TMEM117: variants seen among roughly 807,000 people sequenced by gnomAD.
TMEM117 encodes transmembrane protein 117.
TMEM117 carries 27 observed loss-of-function variants against 52.4 expected under a neutral mutation model. That is an observed-to-expected ratio of 0.51 (90% CI 0.38 to 0.71). TMEM117 has a LOEUF of 0.71. TMEM117 is among the 30% of genes least tolerant of loss of function. The probability of loss-of-function intolerance (pLI) is 0.00; values close to 1 mark genes in which losing one functional copy is unlikely to be tolerated. For synonymous variants in TMEM117, 215 were observed against 206.3 expected, an observed-to-expected ratio of 1.04 and a Z score of -0.36; for missense variants, 556 against 630.5, an observed-to-expected ratio of 0.88 and a Z score of 1.26.
intron 3 of TMEM117, among the ~76,000 whole-genome samples, chr12:43,972,242 A>G (rs951866055): frequency 9.2e-5 from 14 of 152,186 alleles, no homozygotes; most frequent in African/African-American, 3.4e-4. Context: ...CAATCAACTT[A>G]TTTTGTAATC....
intron 3 of TMEM117, among the ~76,000 whole-genome samples, chr12:43,956,438 A>G (rs1405588585): frequency 2.6e-5 from 4 of 151,228 alleles, no homozygotes; most frequent in Non-Finnish European, 5.9e-5. Flanking sequence ...ACTTAAGCAA[A>G]TTTACAAGGT....
intron 3 of TMEM117, among the ~76,000 whole-genome samples, chr12:44,064,175 A>G (rs960044577): frequency 6.6e-6 from 1 of 152,144 alleles, no homozygotes; most frequent in African/African-American, 2.4e-5. Flanking sequence ...AATCAAACCT[A>G]AATTAAGCAA....
intron 2 of TMEM117, among the ~76,000 whole-genome samples, chr12:43,893,259 G>C (rs1416070531): frequency 6.6e-6 from 1 of 152,136 alleles, no homozygotes; most frequent in African/African-American, 2.4e-5. Flanking sequence ...AAAACGAACT[G>C]TAAGAGAACA....
chr12:44,008,875 G>T (rs1056450086), intron 3 of TMEM117: 3 of 415,942 alleles, frequency 7.2e-6, no homozygotes, highest in Non-Finnish European at 9.5e-6. Context: ...AGCATTTCCC[G>T]CACCATGAGC....
chr12:43,957,339 T>C (rs559805100), intron 3 of TMEM117, among the ~76,000 whole-genome samples: 5 of 152,178 alleles, frequency 3.3e-5, no homozygotes, highest in African/African-American at 1.2e-4. Flanking sequence ...AGGCAAGATA[T>C]TCAAAGAAAA....
intron 3 of TMEM117, among the ~76,000 whole-genome samples, chr12:43,998,174 G>T (rs1421726181): frequency 6.6e-6 from 1 of 152,182 alleles, no homozygotes; most frequent in African/African-American, 2.4e-5. Flanking sequence ...TTGTAGATAG[G>T]ATAGTGGTTC....
At chr12:44,137,892 G>A (rs1948515575) in intron 3 of TMEM117, among the ~76,000 whole-genome samples, 1 of 152,046 alleles carries the variant, frequency 6.6e-6, no homozygotes, top group South Asian at 2.1e-4. Context: ...TGACATTGGG[G>A]ACCACAATAT....
chr12:44,308,479 T>C (rs1175164087), intron 6 of TMEM117, among the ~76,000 whole-genome samples: 3 of 152,180 alleles, frequency 2.0e-5, no homozygotes, highest in Non-Finnish European at 4.4e-5. Context: ...AGTGCAGCAT[T>C]GAAGACTGAC....
chr12:44,004,084 G>C (rs1250877949), intron 3 of TMEM117, among the ~76,000 whole-genome samples: 1 of 152,164 alleles, frequency 6.6e-6, no homozygotes, highest in South Asian at 2.1e-4. Flanking sequence ...TTTCTGCTCA[G>C]ACACATCTAA....
chr12:44,000,776 C>T (rs988773977), intron 3 of TMEM117, among the ~76,000 whole-genome samples: 23 of 152,134 alleles, frequency 1.5e-4, no homozygotes, highest in African/African-American at 3.6e-4. Flanking sequence ...GACCTCTTCC[C>T]GGGTCGGTTT....
intron 5 of TMEM117, among the ~76,000 whole-genome samples, chr12:44,257,475 C>A (rs2138530077): frequency 6.6e-6 from 1 of 152,238 alleles, no homozygotes; most frequent in African/African-American, 2.4e-5. Flanking sequence ...CCTGTCATAT[C>A]CTCAACTACT....
chr12:44,287,093 G>A (rs1265528612), intron 5 of TMEM117, among the ~76,000 whole-genome samples: 1 of 152,030 alleles, frequency 6.6e-6, no homozygotes, highest in African/African-American at 2.4e-5. Flanking sequence ...CCACCCCAGA[G>A]GTTAGGAACC....
chr12:43,815,315 G>A, the TMEM117 span, among the ~76,000 whole-genome samples: 6 of 152,192 alleles, frequency 3.9e-5, no homozygotes, highest in African/African-American at 1.4e-4. Context: ...AATTGTCAGT[G>A]CCTTAACAGT....
At chr12:44,183,869 A>G (rs1269554209) in intron 4 of TMEM117, among the ~76,000 whole-genome samples, 2 of 152,220 alleles carry the variant, frequency 1.3e-5, no homozygotes, top group South Asian at 4.1e-4. Context: ...CTTCCCTCAC[A>G]TTTCACACGC....
At chr12:44,029,617 C>T (rs1258641496) in intron 3 of TMEM117, among the ~76,000 whole-genome samples, 2 of 152,214 alleles carry the variant, frequency 1.3e-5, no homozygotes, top group African/African-American at 4.8e-5. Context: ...TCCTCTCTCT[C>T]TCTCTTTCTG....
intron 4 of TMEM117, among the ~76,000 whole-genome samples, chr12:44,171,280 G>T (rs1367967345): frequency 6.6e-6 from 1 of 152,148 alleles, no homozygotes; most frequent in Non-Finnish European, 1.5e-5. Context: ...CTCCCAAAGT[G>T]CTGGGATTAC....
intron 3 of TMEM117, among the ~76,000 whole-genome samples, chr12:44,021,419 C>T (rs1946454255): frequency 6.6e-6 from 1 of 152,146 alleles, no homozygotes; most frequent in South Asian, 2.1e-4. Context: ...CAGCCTCATC[C>T]ATGTTCCTGT....
intron 4 of TMEM117, among the ~76,000 whole-genome samples, chr12:44,162,719 C>T (rs974232977): frequency 2.0e-5 from 3 of 152,112 alleles, no homozygotes; most frequent in South Asian, 2.1e-4. Flanking sequence ...GTGGCCTTTG[C>T]ACTTGTTCTG....
intron 2 of TMEM117, among the ~76,000 whole-genome samples, chr12:43,896,724 T>C (rs1295771287): frequency 6.6e-6 from 1 of 152,210 alleles, no homozygotes; most frequent in East Asian, 1.9e-4. Context: ...TTATAGCATG[T>C]GACTCCTCCC....
Sources: allele counts gnomAD v4.1 joint callset (sites outside exome capture counted in the v4.1 genomes callset), GRCh38; gene constraint gnomAD v4.1.1; transcripts MANE v1.5; gene names NCBI Gene and HGNC (gene_info 2026-07-23, HGNC 2026-07-21).